NLGN4X: variants seen among roughly 807,000 people sequenced by gnomAD.
NLGN4X encodes the protein neuroligin 4 X-linked, also known as neuroligin-4, X-linked.
NLGN4X carries 3 observed loss-of-function variants against 40.3 expected under a neutral mutation model. The observed-to-expected ratio is 0.07, with a 90% CI of 0.03 to 0.19. The LOEUF is 0.19. Ranked by LOEUF, NLGN4X falls within the 10% of genes least tolerant of loss-of-function variation. The pLI is 1.00. For synonymous variants in NLGN4X, 270 were observed against 306.8 expected (o/e 0.88, Z 1.25); for missense variants, 382 against 708.3 (o/e 0.54, Z 5.23).
intron 3 of NLGN4X, among the ~76,000 whole-genome samples, chrX:5,958,520 A>G (rs1294147977): frequency 9.0e-6 from 1 of 111,584 alleles, no homozygotes; most frequent in Non-Finnish European, 1.9e-5. Flanking sequence ...TAAGCCTCTG[A>G]GCTATGTGGC....
intron 3 of NLGN4X, among the ~76,000 whole-genome samples, chrX:5,942,702 A>T (rs2033989481): frequency 9.2e-6 from 1 of 108,362 alleles, no homozygotes; most frequent in Non-Finnish European, 1.9e-5. Flanking sequence ...GAGGGGAGAG[A>T]AGGGGAGGGA....
intron 2 of NLGN4X, among the ~76,000 whole-genome samples, chrX:6,091,225 T>C (rs2038632794): frequency 9.0e-6 from 1 of 111,680 alleles, no homozygotes; most frequent in African/African-American, 3.3e-5. Context: ...CCTTAAAAAC[T>C]AGCAATTTTA....
intron 3 of NLGN4X, among the ~76,000 whole-genome samples, chrX:6,028,673 A>AAAG (rs1275141902): frequency 9.0e-6 from 1 of 110,846 alleles, no homozygotes; most frequent in African/African-American, 3.3e-5. Context: ...AAAAAAAAAA[A>AAAG]AAAGAAAGAA....
chrX:6,061,337 G>T (rs1384326342), intron 2 of NLGN4X, among the ~76,000 whole-genome samples: 1 of 110,104 alleles, frequency 9.1e-6, no homozygotes, highest in East Asian at 2.9e-4. Context: ...TGTACTGATT[G>T]ATAACACCAC....
chrX:6,165,153 G>A (rs886543038), intron 1 of NLGN4X, among the ~76,000 whole-genome samples: 1 of 111,682 alleles, frequency 9.0e-6, no homozygotes, highest in Non-Finnish European at 1.9e-5. Context: ...CTCCAGAGAG[G>A]CTTCTTGTCC....
At chrX:6,222,738 C>T (rs1302928603) in intron 1 of NLGN4X, among the ~76,000 whole-genome samples, 5 of 112,478 alleles carry the variant, frequency 4.4e-5, no homozygotes, top group East Asian at 2.8e-4. Context: ...CCCCACGTGT[C>T]GTGGAGGGAT....
In NLGN4X at chrX:5,909,130, G is replaced by T; in HGVS notation, c.735C>A (p.Pro245=). The T allele has an allele frequency of 8.3e-7, 1 of 1,211,339 alleles. No homozygotes were observed. The highest frequency in any genetic ancestry group is 1.1e-6 in the Non-Finnish European group (1 of 895,427). The part of the protein sequence containing the change: ...EENVGAFGGD[P]KRVTIFGSGA... ...CCGAGCCAAAGATGGTCACTCTCTTGGGGTCCCCGCCAAAGGCTCCCACAT... is the reference window on the plus strand; with the variant it reads ...CCGAGCCAAAGATGGTCACTCTCTTTGGGTCCCCGCCAAAGGCTCCCACAT... The change falls in exon 4 of 6, where the codon CCC becomes CCA. Residue 245 remains proline (P), a synonymous_variant. Coordinates refer to ENST00000381095, the MANE Select transcript of NLGN4X (RefSeq NM_181332.3).
In NLGN4X at chrX:6,126,074, A is replaced by G. The variant is rs778133070; in HGVS notation, c.472+24921T>C. Reference sequence around the variant, plus strand: ...TATTAATTTTCAGAGCACATTAATTATAAGAGAAGAATCATATAACCAGCT... The same window carrying G: ...TATTAATTTTCAGAGCACATTAATTGTAAGAGAAGAATCATATAACCAGCT... On this transcript the variant is annotated intron_variant, in intron 2 of 5. Coordinates refer to ENST00000381095, the MANE Select transcript of NLGN4X (RefSeq NM_181332.3). 6.3e-5 allele frequency among the ~76,000 whole-genome samples: 7 copies of G among 111,593 alleles called. No individual in the cohort carries two copies. The East Asian group carries it at 1.7e-3, about 27-fold the overall frequency.
At chrX:6,146,028 T>G (rs753568289) in intron 2 of NLGN4X, among the ~76,000 whole-genome samples, 1 of 108,817 alleles carries the variant, frequency 9.2e-6, no homozygotes, top group South Asian at 4.1e-4. Context: ...GATGGAAGGA[T>G]CCCTTGAGCC....
chrX:6,096,714 T>A (rs1014943532), intron 2 of NLGN4X, among the ~76,000 whole-genome samples: 1 of 111,863 alleles, frequency 8.9e-6, no homozygotes, highest in Non-Finnish European at 1.9e-5. Flanking sequence ...GAGGCCAACA[T>A]TAAGGATGCT....
chrX:5,938,962 TGTGC>T (rs1183602880), intron 3 of NLGN4X, among the ~76,000 whole-genome samples: 63 of 101,512 alleles, frequency 6.2e-4, no homozygotes, highest in African/African-American at 2.2e-3. Flanking sequence ...TATTTGTGTG[TGTGC>T]GTGTGTGTGT....
At chrX:5,973,829 GA>G (rs770606350) in intron 3 of NLGN4X, among the ~76,000 whole-genome samples, 1,138 of 106,912 alleles carry the variant, frequency 0.011, 13 homozygotes, top group Middle Eastern at 0.03. Context: ...TCTCAAAAAA[GA>G]AAAAAAAAGG....
At chrX:6,028,097 G>A (rs2036757705) in intron 3 of NLGN4X, among the ~76,000 whole-genome samples, 1 of 111,072 alleles carries the variant, frequency 9.0e-6, no homozygotes, top group South Asian at 3.8e-4. Context: ...GATTATAGGC[G>A]AGAGCCACCA....
In NLGN4X at chrX:6,072,842, C is replaced by A. The variant is rs769364613; in HGVS notation, c.473-43410G>T. Among the ~76,000 whole-genome samples the A allele has an allele frequency of 1.2e-3, 130 of 111,835 alleles. 1 individual carries two copies. The highest frequency in any genetic ancestry group is 2.0e-3 in the Non-Finnish European group (104 of 53,187). On this transcript the variant is annotated intron_variant, in intron 2 of 5. Coordinates refer to ENST00000381095, the MANE Select transcript of NLGN4X (RefSeq NM_181332.3). ...CTTCTCTCCACCTTTGCAAATGTTA[C>A]TCATCTCTCCAAACACAAGGGCTGA... is the stretch of plus-strand genomic sequence containing the variant.
At chrX:6,114,905 CTT>C (rs776073770) in intron 2 of NLGN4X, among the ~76,000 whole-genome samples, 13 of 111,847 alleles carry the variant, frequency 1.2e-4, no homozygotes, top group Non-Finnish European at 2.1e-4. Flanking sequence ...CAGGTTCTGT[CTT>C]TTGTGAAATC....
intron 4 of NLGN4X, among the ~76,000 whole-genome samples, chrX:5,905,496 T>C (rs1174125031): frequency 8.9e-6 from 1 of 112,258 alleles, no homozygotes; most frequent in Non-Finnish European, 1.9e-5. Flanking sequence ...AAATTATTAT[T>C]GAGTAAATAC....
chrX:6,069,100 T>C (rs1041740624), intron 2 of NLGN4X, among the ~76,000 whole-genome samples: 4 of 111,283 alleles, frequency 3.6e-5, no homozygotes, highest in Non-Finnish European at 7.5e-5. Context: ...CCATCCTGGC[T>C]AACACAGTGA....
At chrX:5,948,294 C>T (rs182738979) in intron 3 of NLGN4X, among the ~76,000 whole-genome samples, 95 of 112,057 alleles carry the variant, frequency 8.5e-4, no homozygotes, top group African/African-American at 2.9e-3. Flanking sequence ...TCACAATTTA[C>T]ATTTAAGTGT....
chrX:6,072,176 G>A (rs776462046), intron 2 of NLGN4X, among the ~76,000 whole-genome samples: 1 of 111,224 alleles, frequency 9.0e-6, no homozygotes, highest in South Asian at 3.8e-4. Flanking sequence ...CCAGGGATAT[G>A]TATCTTCAGC....
Sources: allele counts gnomAD v4.1 joint callset (sites outside exome capture counted in the v4.1 genomes callset), GRCh38; gene constraint gnomAD v4.1.1; transcripts MANE v1.5; gene names NCBI Gene and HGNC (gene_info 2026-07-23, HGNC 2026-07-21).